SLC10A7: variants seen among roughly 807,000 people sequenced by gnomAD.
SLC10A7 encodes sodium/bile acid cotransporter 7.
In SLC10A7, 29 loss-of-function variants were observed where a neutral mutation model predicts 43.2. The observed-to-expected ratio is 0.67, with a 90% CI of 0.50 to 0.92. SLC10A7 has a LOEUF of 0.92. Among genes scored for constraint, SLC10A7 ranks in the 40% least tolerant of loss-of-function variants. The probability of loss-of-function intolerance (pLI) is 0.00; values close to 1 mark genes in which losing one functional copy is unlikely to be tolerated. For synonymous variants in SLC10A7, 152 were observed against 144.8 expected (o/e 1.05, Z -0.35); for missense variants, 295 against 403.2 (o/e 0.73, Z 2.30).
intron 10 of SLC10A7, among the ~76,000 whole-genome samples, chr4:146,278,516 A>AT (rs1729348430): frequency 6.6e-6 from 1 of 152,208 alleles, no homozygotes; most frequent in African/African-American, 2.4e-5. Flanking sequence ...TCCTTTTAAG[A>AT]TTATGTTTCT....
intron 4 of SLC10A7, among the ~76,000 whole-genome samples, chr4:146,445,891 C>CTGTGTGTGTGTGTG (rs10678013): frequency 8.7e-5 from 13 of 148,690 alleles, no homozygotes; most frequent in African/African-American, 2.2e-4. Context: ...CTTCTCTCTT[C>CTGTGTGTGTGTGTG]TGTGTGTGTG....
rs568578692 is a variant in SLC10A7, at chr4:146,419,834, T to TA, written c.435+22948dup. Among the ~76,000 whole-genome samples the TA allele has an allele frequency of 1.2e-3, 168 of 145,220 alleles. 1 individual carries two copies. In the East Asian group the frequency reaches 0.016, roughly 14 times the overall value. On this transcript the variant is annotated intron_variant, in intron 5 of 11. Transcript: ENST00000335472. ...CTGGGTAACAGAGCAAGACTCCGTC[T>TA]AAAAAAAAAAAGAAATCACAAAGCT...
intron 4 of SLC10A7, among the ~76,000 whole-genome samples, chr4:146,491,543 G>C (rs1361512008): frequency 6.6e-6 from 1 of 151,960 alleles, no homozygotes; most frequent in Non-Finnish European, 1.5e-5. Flanking sequence ...AAAAGATGGA[G>C]GGAGGAGGGG....
At chr4:146,285,854 TGGTGAGAAGGACTGAACTTGGAGA>T (rs1729867061) in intron 9 of SLC10A7, among the ~76,000 whole-genome samples, 1 of 149,238 alleles carries the variant, frequency 6.7e-6, no homozygotes, top group Non-Finnish European at 1.5e-5. Context: ...GAATTTGGAG[TGGTGAGAAGGACTGAACTTGGAGA>T]GGTGAGAAAG....
Position 146,392,197 on chromosome 4 carries a change from G to A in SLC10A7, c.435+50586C>T, listed in dbSNP as rs948708610. The stretch of plus-strand genomic sequence containing the variant: ...TGTATCTCTATAATTTCTGAAATTC[G>A]TGAATCTATATTATAAAGTCATTAT... On this transcript the variant is annotated intron_variant, in intron 5 of 11. Coordinates refer to ENST00000335472, the MANE Select transcript of SLC10A7 (RefSeq NM_001029998.6). Among the ~76,000 whole-genome samples the A allele has an allele frequency of 6.6e-5, 10 of 152,052 alleles. No homozygotes were observed. The South Asian group carries it at 8.3e-4, about 13-fold the overall frequency.
Position 146,372,705 on chromosome 4 carries a change from A to T in SLC10A7, c.436-46709T>A, listed in dbSNP as rs1001483001. Among the ~76,000 whole-genome samples, 3 of 152,306 alleles carry T rather than the reference A, an allele frequency of 2.0e-5. No homozygotes were observed. In the East Asian group the frequency reaches 5.8e-4, roughly 29 times the overall value. On this transcript the variant is annotated intron_variant, in intron 5 of 11. Coordinates refer to ENST00000335472, the MANE Select transcript of SLC10A7 (RefSeq NM_001029998.6). Reference sequence around the variant, plus strand: ...TAAGATTATGTTTTCCTTCTTAATGAGTTACTGAAATATTTTGCAAAGAGA... The same window carrying T: ...TAAGATTATGTTTTCCTTCTTAATGTGTTACTGAAATATTTTGCAAAGAGA...
At chr4:146,510,628 T>A (rs1737374054) in intron 2 of SLC10A7, among the ~76,000 whole-genome samples, 3 of 152,160 alleles carry the variant, frequency 2.0e-5, no homozygotes, top group Admixed American at 1.3e-4. Context: ...ATCAGATGTG[T>A]AAAACTCTGG....
intron 4 of SLC10A7, among the ~76,000 whole-genome samples, chr4:146,484,887 A>G (rs945782497): frequency 6.6e-6 from 1 of 152,218 alleles, no homozygotes; most frequent in Non-Finnish European, 1.5e-5. Context: ...ATTTCCTTGC[A>G]ACAAATTAAC....
At chr4:146,416,689 C>T (rs1728590309) in intron 5 of SLC10A7, among the ~76,000 whole-genome samples, 1 of 152,280 alleles carries the variant, frequency 6.6e-6, no homozygotes, top group South Asian at 2.1e-4. Context: ...TAGAAAAGAA[C>T]TCAGAACTTA....
At chr4:146,303,025 C>T (rs926098207) in intron 7 of SLC10A7, among the ~76,000 whole-genome samples, 1 of 152,118 alleles carries the variant, frequency 6.6e-6, no homozygotes, top group Admixed American at 6.5e-5. Flanking sequence ...GGGACTTGCC[C>T]TCAGCCTAAG....
intron 5 of SLC10A7, among the ~76,000 whole-genome samples, chr4:146,341,482 A>G (rs4835298): frequency 0.025 from 3,825 of 151,940 alleles, 76 homozygotes; most frequent in East Asian, 0.067. Context: ...TAATAACATC[A>G]GACATAAGAA....
chr4:146,281,637 C>G (rs1436730886), intron 10 of SLC10A7, among the ~76,000 whole-genome samples: 2 of 151,958 alleles, frequency 1.3e-5, no homozygotes, highest in Non-Finnish European at 2.9e-5. Context: ...ACCTGAGACA[C>G]CAGGCAGTAC....
At chr4:146,354,270 A>G (rs1410674101) in intron 5 of SLC10A7, among the ~76,000 whole-genome samples, 2 of 151,632 alleles carry the variant, frequency 1.3e-5, no homozygotes, top group East Asian at 1.9e-4. Flanking sequence ...CCAAATCATG[A>G]GTGAACTCCC....
intron 4 of SLC10A7, among the ~76,000 whole-genome samples, chr4:146,452,241 A>G (rs183230766): frequency 5.9e-5 from 9 of 152,236 alleles, no homozygotes; most frequent in Non-Finnish European, 1.0e-4. Context: ...AAAACTGACT[A>G]TTGGCCACAA....
At chr4:146,350,207 T>A (rs1284262702) in intron 5 of SLC10A7, among the ~76,000 whole-genome samples, 1 of 149,396 alleles carries the variant, frequency 6.7e-6, no homozygotes, top group Non-Finnish European at 1.5e-5. Context: ...GGGCGAGGCA[T>A]TGCCTCACCT....
chr4:146,496,009 G>T (rs558950682), intron 4 of SLC10A7, among the ~76,000 whole-genome samples: 1 of 152,286 alleles, frequency 6.6e-6, no homozygotes, highest in Non-Finnish European at 1.5e-5. Flanking sequence ...CAAGACCACA[G>T]CCTAATGCTG....
intron 5 of SLC10A7, among the ~76,000 whole-genome samples, chr4:146,331,539 T>A (rs755750827): frequency 2.0e-5 from 3 of 152,178 alleles, no homozygotes; most frequent in Admixed American, 6.6e-5. Flanking sequence ...GTAACCCCCA[T>A]TTTTATAATC....
At chr4:146,446,703 A>T (rs1731113600) in intron 4 of SLC10A7, among the ~76,000 whole-genome samples, 1 of 151,904 alleles carries the variant, frequency 6.6e-6, no homozygotes, top group African/African-American at 2.4e-5. Flanking sequence ...TCACACCCTG[A>T]CTCTGAAGTG....
chr4:146,378,575 A>C (rs1737375982), intron 5 of SLC10A7, among the ~76,000 whole-genome samples: 1 of 152,202 alleles, frequency 6.6e-6, no homozygotes, highest in African/African-American at 2.4e-5. Context: ...TACATAAAAG[A>C]AGGAAAGGTG....
Sources: gnomAD v4.1 joint callset for allele counts (sites outside exome capture counted in the v4.1 genomes callset) on GRCh38, gnomAD v4.1.1 for gene constraint, MANE v1.5 for transcripts, NCBI Gene and HGNC (gene_info 2026-07-23, HGNC 2026-07-21) for gene names.